The following WWOX variants were observed in gnomAD, a reference collection of about 807,000 sequenced individuals.
WWOX encodes WW domain containing oxidoreductase.
WWOX carries 69 observed loss-of-function variants against 46.2 expected under a neutral mutation model. That is an observed-to-expected ratio of 1.49 (90% CI 1.23 to 1.82). The LOEUF is 1.82. WWOX is among the 40% of genes most tolerant of loss of function. The pLI is 0.00. For missense variants in WWOX, 919 were observed against 542.6 expected (o/e 1.69, Z -6.89); for synonymous variants, 359 against 202.6 (o/e 1.77, Z -6.56).
intron 4 of WWOX, among the ~76,000 whole-genome samples, chr16:78,148,911 A>T: frequency 6.6e-6 from 1 of 151,144 alleles, no homozygotes; most frequent in East Asian, 2.0e-4. Context: ...AAAAAAAAAA[A>T]AAAAAAAAAA....
chr16:79,035,374 A>T (rs1171987190), intron 8 of WWOX, among the ~76,000 whole-genome samples: 1 of 152,208 alleles, frequency 6.6e-6, no homozygotes, highest in Non-Finnish European at 1.5e-5. Context: ...ACAAAAGGCC[A>T]ACCCCATTAG....
chr16:78,800,927 C>A (rs528938301), intron 8 of WWOX, among the ~76,000 whole-genome samples: 33 of 145,002 alleles, frequency 2.3e-4, no homozygotes, highest in Non-Finnish European at 4.2e-4. Context: ...AAGCATCAAA[C>A]TCTCAAATGG....
intron 8 of WWOX, among the ~76,000 whole-genome samples, chr16:78,604,459 G>T (rs1284150334): frequency 6.6e-6 from 1 of 152,116 alleles, no homozygotes; most frequent in Non-Finnish European, 1.5e-5. Context: ...AAAGAGAATT[G>T]TCATCTGTTA....
At chr16:78,424,630 C>T (rs1055082053) in intron 6 of WWOX, among the ~76,000 whole-genome samples, 1 of 152,164 alleles carries the variant, frequency 6.6e-6, no homozygotes, top group Non-Finnish European at 1.5e-5. Flanking sequence ...TCCTAATAAG[C>T]CTCTCATCCT....
At chr16:79,202,094 C>A (rs139480989) in intron 8 of WWOX, among the ~76,000 whole-genome samples, 4 of 152,082 alleles carry the variant, frequency 2.6e-5, no homozygotes, top group Non-Finnish European at 4.4e-5. Flanking sequence ...AATACAGACA[C>A]GTTCATTTGG....
At chr16:78,126,371 G>A (rs2033361846) in intron 4 of WWOX, among the ~76,000 whole-genome samples, 2 of 152,278 alleles carry the variant, frequency 1.3e-5, no homozygotes, top group South Asian at 4.1e-4. Flanking sequence ...CCTTTGCCCA[G>A]CATCCTTGCC....
intron 8 of WWOX, among the ~76,000 whole-genome samples, chr16:79,103,590 A>G (rs1226196922): frequency 6.6e-6 from 1 of 152,162 alleles, no homozygotes; most frequent in African/African-American, 2.4e-5. Context: ...ATCTGATTCA[A>G]TCTGTAGTTT....
intron 8 of WWOX, among the ~76,000 whole-genome samples, chr16:78,683,395 T>G (rs186070649): frequency 1.3e-4 from 19 of 151,412 alleles, no homozygotes; most frequent in Non-Finnish European, 2.2e-4. Flanking sequence ...AAAAAAAAAT[T>G]TAGGCGTGGT....
rs113688233 is a variant in WWOX, at chr16:79,140,014, TG to T, written c.1057-71593del. Among the ~76,000 whole-genome samples, 930 of 152,352 alleles carry T rather than the reference TG, an allele frequency of 6.1e-3. 9 individuals are homozygous for T. The highest frequency in any genetic ancestry group is 0.021 in the African/African-American group (874 of 41,592). ...GCCGACCACAGTTCCAGCTGAGCTT[TG>T]CTGCGCTGTCAGCACCATGGGGCCT... On this transcript the variant is annotated intron_variant, in intron 8 of 8. Transcript: ENST00000566780.
intron 8 of WWOX, among the ~76,000 whole-genome samples, chr16:78,949,105 C>T (rs961576692): frequency 6.6e-6 from 1 of 152,158 alleles, no homozygotes; most frequent in Non-Finnish European, 1.5e-5. Context: ...ACGGGGACCT[C>T]AGTTCTGCAA....
At chr16:78,953,465 C>G (rs962278928) in intron 8 of WWOX, among the ~76,000 whole-genome samples, 2 of 143,258 alleles carry the variant, frequency 1.4e-5, no homozygotes, top group African/African-American at 2.7e-5. Flanking sequence ...CTCTGCCCCA[C>G]TCTATGTATG....
At chr16:78,612,387 G>A (rs926934454) in intron 8 of WWOX, among the ~76,000 whole-genome samples, 5 of 152,238 alleles carry the variant, frequency 3.3e-5, no homozygotes, top group African/African-American at 1.2e-4. Flanking sequence ...TCTTACGGCA[G>A]GCAGCGTGGC....
chr16:78,664,835 A>G (rs564268416), intron 8 of WWOX, among the ~76,000 whole-genome samples: 20 of 152,352 alleles, frequency 1.3e-4, no homozygotes, highest in African/African-American at 4.6e-4. Flanking sequence ...GCAGGCAACA[A>G]GAGTCCAATT....
chr16:78,193,854 T>A (rs990781281), intron 5 of WWOX, among the ~76,000 whole-genome samples: 7 of 150,226 alleles, frequency 4.7e-5, no homozygotes, highest in South Asian at 4.2e-4. Context: ...ATTTTTTATT[T>A]TTATTATTAT....
At chr16:78,100,544 C>A (rs555283325) in intron 1 of WWOX, among the ~76,000 whole-genome samples, 9 of 152,238 alleles carry the variant, frequency 5.9e-5, no homozygotes, top group African/African-American at 2.2e-4. Flanking sequence ...AGCCACTGCG[C>A]CTAGCCAGGA....
chr16:78,503,795 A>G (rs2085128132), intron 8 of WWOX: 1 of 152,256 alleles, frequency 6.6e-6, no homozygotes, highest in Admixed American at 6.5e-5. Flanking sequence ...AGAAGGATTC[A>G]TATCTGGAAG....
In WWOX at chr16:78,547,127, GAAAAAAAAAAAAAAAAAAA is replaced by G. The variant is rs199726097; in HGVS notation, c.1056+114389_1056+114407del. 6.4e-4 allele frequency among the ~76,000 whole-genome samples: 56 copies of G among 87,518 alleles called. 1 individual carries two copies. The highest frequency in any genetic ancestry group is 1.7e-3 in the Admixed American group (15 of 8,758). The allele number at this position is 87,518 out of a possible 152,430, so 57.4% of individuals were successfully genotyped here. On this transcript the variant is annotated intron_variant, in intron 8 of 8. Transcript: ENST00000566780. The stretch of plus-strand genomic sequence containing the variant: ...TGGGAGAGTGTGAGACCTTGTCTCA[GAAAAAAAAAAAAAAAAAAA>G]AAAAAAAAAAAAACAACTACCAGGC...
At chr16:78,214,000 T>A (rs978664354) in intron 5 of WWOX, among the ~76,000 whole-genome samples, 6 of 151,952 alleles carry the variant, frequency 3.9e-5, no homozygotes, top group African/African-American at 1.2e-4. Context: ...AAATGAGAGG[T>A]GTAACCTGTG....
At chr16:78,583,622 G>C (rs1031784647) in intron 8 of WWOX, among the ~76,000 whole-genome samples, 4 of 152,180 alleles carry the variant, frequency 2.6e-5, no homozygotes, top group African/African-American at 9.7e-5. Context: ...GATTGACCCA[G>C]TGATAACATA....
Sources: gnomAD v4.1 joint callset for allele counts (sites outside exome capture counted in the v4.1 genomes callset) on GRCh38, gnomAD v4.1.1 for gene constraint, MANE v1.5 for transcripts, NCBI Gene and HGNC (gene_info 2026-07-23, HGNC 2026-07-21) for gene names.